Variants in KIAA1328 observed in about 807,000 individuals in gnomAD.
The protein encoded by KIAA1328 is KIAA1328.
A neutral mutation model predicts 68.1 loss-of-function variants in KIAA1328; 52 were observed. The observed-to-expected ratio is 0.76, with a 90% CI of 0.61 to 0.96. The LOEUF (loss-of-function observed/expected upper bound fraction) is 0.96. Among genes scored for constraint, KIAA1328 ranks in the 40% least tolerant of loss-of-function variants. KIAA1328 has a pLI of 0.00. For synonymous variants in KIAA1328, 232 were observed against 239.4 expected, an observed-to-expected ratio of 0.97 and a Z score of 0.28; for missense variants, 641 against 677.6, an observed-to-expected ratio of 0.95 and a Z score of 0.60.
At chr18:37,138,462 C>T (rs1330014125) in intron 7 of KIAA1328, among the ~76,000 whole-genome samples, 1 of 152,140 alleles carries the variant, frequency 6.6e-6, no homozygotes, top group Non-Finnish European at 1.5e-5. Context: ...TGTCCAGAGA[C>T]CATTATTCTA....
chr18:37,104,954 A>G (rs1296930953), intron 7 of KIAA1328, among the ~76,000 whole-genome samples: 1 of 152,202 alleles, frequency 6.6e-6, no homozygotes, highest in African/African-American at 2.4e-5. Context: ...ATCAATGATA[A>G]CTGGCATAGC....
chr18:36,961,024 A>G (rs2051646076), intron 6 of KIAA1328, among the ~76,000 whole-genome samples: 1 of 152,206 alleles, frequency 6.6e-6, no homozygotes, highest in South Asian at 2.1e-4. Context: ...TCTCTGAGCT[A>G]AAGGAGCATG....
At chr18:37,171,865 C>T (rs2059506057) in intron 8 of KIAA1328, among the ~76,000 whole-genome samples, 1 of 152,166 alleles carries the variant, frequency 6.6e-6, no homozygotes, top group Non-Finnish European at 1.5e-5. Context: ...GCTGGGATTG[C>T]ACCACTACAC....
At chr18:37,158,378 T>C (rs1440468694) in intron 7 of KIAA1328, among the ~76,000 whole-genome samples, 1 of 152,050 alleles carries the variant, frequency 6.6e-6, no homozygotes, top group Non-Finnish European at 1.5e-5. Flanking sequence ...CTGCAATAGG[T>C]ATTAAAGTGC....
chr18:36,934,474 C>T (rs1361189685), intron 5 of KIAA1328, among the ~76,000 whole-genome samples: 1 of 152,096 alleles, frequency 6.6e-6, no homozygotes, highest in Non-Finnish European at 1.5e-5. Flanking sequence ...CTCCACCCCA[C>T]AACAGTCCCC....
chr18:37,177,797 T>G (rs950577029), intron 9 of KIAA1328, among the ~76,000 whole-genome samples: 9 of 152,154 alleles, frequency 5.9e-5, no homozygotes, highest in Admixed American at 4.6e-4. Flanking sequence ...AGGGACTTGA[T>G]AAATTATTTG....
chr18:37,228,739 G>C (rs2154228265), downstream of KIAA1328, among the ~76,000 whole-genome samples: 1 of 152,012 alleles, frequency 6.6e-6, no homozygotes, highest in Non-Finnish European at 1.5e-5. Context: ...AAAATCTCTT[G>C]AACCTGGGAG....
chr18:37,148,634 G>C (rs1044314743), intron 7 of KIAA1328, among the ~76,000 whole-genome samples: 1 of 152,158 alleles, frequency 6.6e-6, no homozygotes, highest in East Asian at 1.9e-4. Context: ...AGCATCTGCT[G>C]TTTCTTGACT....
intron 6 of KIAA1328, among the ~76,000 whole-genome samples, chr18:37,053,196 A>G (rs986492945): frequency 1.3e-5 from 2 of 152,184 alleles, no homozygotes; most frequent in African/African-American, 4.8e-5. Context: ...TCTATAACCA[A>G]CTTATCTTCA....
At chr18:36,945,473 C>G (rs1344577140) in intron 5 of KIAA1328, among the ~76,000 whole-genome samples, 2 of 152,224 alleles carry the variant, frequency 1.3e-5, no homozygotes, top group East Asian at 3.9e-4. Context: ...TTCAAAGAGA[C>G]AAGTAATGAA....
intron 9 of KIAA1328, among the ~76,000 whole-genome samples, chr18:37,201,942 A>C (rs564355776): frequency 6.6e-6 from 1 of 152,358 alleles, no homozygotes; most frequent in African/African-American, 2.4e-5. Flanking sequence ...TCCTCAAAAC[A>C]GTCTGGTCAC....
chr18:36,870,617 G>A (rs961396563), intron 4 of KIAA1328, among the ~76,000 whole-genome samples: 1 of 152,098 alleles, frequency 6.6e-6, no homozygotes, highest in Non-Finnish European at 1.5e-5. Flanking sequence ...TAGAACTTAC[G>A]GAAAGGTTTG....
intron 5 of KIAA1328, among the ~76,000 whole-genome samples, chr18:36,941,279 G>A (rs2151185998): frequency 6.6e-6 from 1 of 152,232 alleles, no homozygotes; most frequent in South Asian, 2.1e-4. Flanking sequence ...TGAGGAGAGA[G>A]AGAGCCTTTC....
intron 5 of KIAA1328, among the ~76,000 whole-genome samples, chr18:36,927,913 A>G (rs893333177): frequency 1.3e-5 from 2 of 152,124 alleles, no homozygotes; most frequent in African/African-American, 4.8e-5. Context: ...AAAGAAAGGG[A>G]AGAGAGAAGT....
chr18:37,164,448 C>T (rs1017226321), intron 8 of KIAA1328, among the ~76,000 whole-genome samples: 4 of 152,096 alleles, frequency 2.6e-5, no homozygotes, highest in Admixed American at 2.0e-4. Context: ...AGAGTGGGCT[C>T]TTAAAAATAG....
At chr18:37,054,619 C>T (rs1321565437) in intron 6 of KIAA1328, among the ~76,000 whole-genome samples, 4 of 152,064 alleles carry the variant, frequency 2.6e-5, no homozygotes, top group Non-Finnish European at 5.9e-5. Flanking sequence ...AATGAGTACA[C>T]ATGGATATAA....
At chr18:37,150,721 A>G (rs1055952765) in intron 7 of KIAA1328, among the ~76,000 whole-genome samples, 2 of 152,174 alleles carry the variant, frequency 1.3e-5, no homozygotes, top group African/African-American at 4.8e-5. Flanking sequence ...ATAATAAAAA[A>G]TATTTTAATC....
intron 7 of KIAA1328, among the ~76,000 whole-genome samples, chr18:37,072,990 C>T (rs1201263173): frequency 6.6e-6 from 1 of 151,982 alleles, no homozygotes; most frequent in Non-Finnish European, 1.5e-5. Flanking sequence ...GGACCTCTTC[C>T]TTACACCTTA....
chr18:37,225,415 C>A, downstream of KIAA1328: 3 of 572,900 alleles, frequency 5.2e-6, no homozygotes, highest in Non-Finnish European at 6.6e-6. Context: ...TGCAGACCTG[C>A]AGGTTATCAA....
Sources: allele counts gnomAD v4.1 joint callset (sites outside exome capture counted in the v4.1 genomes callset), GRCh38; gene constraint gnomAD v4.1.1; transcripts MANE v1.5; gene names NCBI Gene and HGNC (gene_info 2026-07-23, HGNC 2026-07-21).